The following PCDHGA3 variants were observed in gnomAD, a reference collection of about 807,000 sequenced individuals.
PCDHGA3 encodes the protein protocadherin gamma subfamily A, 3.
PCDHGA3 carries 40 observed loss-of-function variants against 58.5 expected under a neutral mutation model. The observed-to-expected ratio is 0.68, with a 90% CI of 0.53 to 0.89. The LOEUF (loss-of-function observed/expected upper bound fraction) is 0.89, where lower values mean the gene tolerates loss of function less well. PCDHGA3 is among the 40% of genes least tolerant of loss of function. The probability of loss-of-function intolerance (pLI) is 0.00; values close to 1 mark genes in which losing one functional copy is unlikely to be tolerated. For synonymous variants in PCDHGA3, 530 were observed against 525.7 expected, an observed-to-expected ratio of 1.01 and a Z score of -0.11; for missense variants, 1,223 against 1,195.9, an observed-to-expected ratio of 1.02 and a Z score of -0.33.
chr5:141,402,915 C>G (rs1232523303), intron 1 of PCDHGA3: 2 of 1,564,688 alleles, frequency 1.3e-6, no homozygotes, highest in Admixed American at 1.9e-5. Flanking sequence ...GCAGCGCGCA[C>G]AGAGATCCTT....
Position 141,489,169 on chromosome 5 carries a change from C to T in PCDHGA3, c.2425-5638C>T. On this transcript the variant is annotated intron_variant, in intron 1 of 3. Coordinates refer to ENST00000253812, the MANE Select transcript of PCDHGA3 (RefSeq NM_018916.4). This position sits in a 1 kb window ranked among gnomAD's most constrained non-coding sequence, Gnocchi z 4.5. ...GAGACATAAGAGACTTCAGCTGCTG[C>T]ATTCCAAGCCCTGGGTCTACCTTGG... 3 of 1,124,648 alleles carry T rather than the reference C, an allele frequency of 2.7e-6. No individual in the cohort carries two copies. The highest frequency in any genetic ancestry group is 3.8e-6 in the Non-Finnish European group (3 of 783,910). The allele number at this position is 1,124,648 out of a possible 1,614,324, so 69.7% of individuals were successfully genotyped here. A position where few individuals can be genotyped will look rare whatever the true frequency, so the allele number is the denominator to read the frequency against.
rs866190808 is a variant in PCDHGA3 at position 141,376,751 on chromosome 5, A to G, written c.2424+30294A>G. On this transcript the variant is annotated intron_variant, in intron 1 of 3. Transcript: ENST00000253812. ...CCGGACTGCGGACTGCAGTGGCGCA[A>G]TCTCGGCTCACTGCAAGCTCCGCTT... The G allele has an allele frequency of 1.3e-4, 58 of 460,324 alleles. 1 individual carries two copies. Among genetic ancestry groups the G allele is most frequent in the African/African-American group, 1.1e-3 (50 of 46,164 alleles). 28.5% of individuals were successfully genotyped at this position (460,324 alleles called of 1,614,324 possible).
intron 1 of PCDHGA3, chr5:141,419,325 A>G (rs1490162008): frequency 6.2e-7 from 1 of 1,613,586 alleles, no homozygotes; most frequent in Non-Finnish European, 8.5e-7. Flanking sequence ...CGTGTCTCCT[A>G]CTCTCTCATT....
chr5:141,470,972 C>T (rs1186771156), intron 1 of PCDHGA3, among the ~76,000 whole-genome samples: 3 of 151,988 alleles, frequency 2.0e-5, no homozygotes, highest in Non-Finnish European at 4.4e-5. Flanking sequence ...CCACCTCAGC[C>T]TCCCAAAGTG....
intron 1 of PCDHGA3, among the ~76,000 whole-genome samples, chr5:141,454,617 G>T (rs2098794218): frequency 6.6e-6 from 1 of 151,322 alleles, no homozygotes; most frequent in Non-Finnish European, 1.5e-5. Context: ...TGTTGGTCAG[G>T]CTGGTCTCGA....
chr5:141,423,011 T>C, intron 1 of PCDHGA3: 4 of 1,614,186 alleles, frequency 2.5e-6, no homozygotes, highest in Non-Finnish European at 3.4e-6. Flanking sequence ...GTGGTTGCGG[T>C]GGACAAAGAT....
At chr5:141,397,223 T>C (rs144227558) in intron 1 of PCDHGA3, among the ~76,000 whole-genome samples, 1 of 152,304 alleles carries the variant, frequency 6.6e-6, no homozygotes, top group East Asian at 1.9e-4. Context: ...TATTTTGAGA[T>C]ATGAAGAAGA....
chr5:141,405,414 T>G, intron 1 of PCDHGA3: 3 of 1,562,312 alleles, frequency 1.9e-6, no homozygotes, highest in Non-Finnish European at 2.6e-6. Flanking sequence ...TTTCTTTTTT[T>G]GTTTTTTGTT....
In PCDHGA3 at chr5:141,360,167, T is replaced by G. The variant is rs937249062; in HGVS notation, c.2424+13710T>G. The stretch of plus-strand genomic sequence containing the variant: ...GCGAGCTCAGGGAGGTGCGGGCTGG[T>G]GCGGTGGCTGCAGGTACTGTTGCCC... On this transcript the variant is annotated intron_variant, in intron 1 of 3. Transcript: ENST00000253812. 3 of 1,607,514 alleles carry G rather than the reference T, an allele frequency of 1.9e-6. No homozygotes were observed. The African/African-American group carries it at 4.0e-5, about 22-fold the overall frequency.
chr5:141,450,899 A>C (rs1045595271), intron 1 of PCDHGA3, among the ~76,000 whole-genome samples: 1 of 149,514 alleles, frequency 6.7e-6, no homozygotes, highest in Non-Finnish European at 1.5e-5. Context: ...ATATCGGCTC[A>C]CTGCAACCGC....
At chr5:141,422,782 C>CG in intron 1 of PCDHGA3, 1 of 1,614,090 alleles carries the variant, frequency 6.2e-7, no homozygotes, top group South Asian at 1.1e-5. Context: ...CTATGCCCTA[C>CG]AATCCTTCGA....
chr5:141,393,350 C>T (rs775303289), intron 1 of PCDHGA3: 25 of 1,613,840 alleles, frequency 1.5e-5, no homozygotes, highest in Non-Finnish European at 1.9e-5. Flanking sequence ...ACCACTTCTC[C>T]CTGGACGTGC....
At chr5:141,439,029 G>A (rs2098083069) in intron 1 of PCDHGA3, among the ~76,000 whole-genome samples, 1 of 151,510 alleles carries the variant, frequency 6.6e-6, no homozygotes, top group Non-Finnish European at 1.5e-5. Flanking sequence ...GAAAATAGAT[G>A]CCTCAGTTCA....
intron 3 of PCDHGA3, among the ~76,000 whole-genome samples, chr5:141,506,621 G>A (rs143369587): frequency 1.3e-5 from 2 of 152,178 alleles, no homozygotes; most frequent in African/African-American, 4.8e-5. Flanking sequence ...GTGTTACCAG[G>A]GCCAAATGCA....
Position 141,477,771 on chromosome 5 carries a change from G to A in PCDHGA3, c.2425-17036G>A. 1 of 1,613,992 alleles carries A rather than the reference G, an allele frequency of 6.2e-7. No homozygotes were observed. The highest frequency in any genetic ancestry group is 1.3e-5 in the African/African-American group (1 of 75,054). ...ACCCCGGTCCTAGCCACCAACATCA[G>A]CGTGAACATATTTGTCACTGATCGC... On this transcript the variant is annotated intron_variant, in intron 1 of 3. Transcript: ENST00000253812. This position sits in a 1 kb window ranked among gnomAD's most constrained non-coding sequence, Gnocchi z 4.9.
In PCDHGA3 at chr5:141,501,310, C is replaced by T. The variant is rs958976594; in HGVS notation, c.2484-4083C>T. ...CCTTATACACACACACACACACACA[C>T]ACACACACACACACACACACACACC... On this transcript the variant is annotated intron_variant, in intron 2 of 3. Transcript: ENST00000253812. Among the ~76,000 whole-genome samples, 4 of 151,684 alleles carry T rather than the reference C, an allele frequency of 2.6e-5. No individual in the cohort carries two copies. The South Asian group carries it at 8.3e-4, about 32-fold the overall frequency.
rs772328241 is a variant in PCDHGA3 at position 141,491,340 on chromosome 5, C to A, written c.2425-3467C>A. On this transcript the variant is annotated intron_variant, in intron 1 of 3. Coordinates refer to ENST00000253812, the MANE Select transcript of PCDHGA3 (RefSeq NM_018916.4). The surrounding 1 kb of genome is among the most constrained non-coding windows in gnomAD (Gnocchi z 6.9). ...TTTACCTCATTGTGGCTCTAGCGACCGTCAGTCTCTTATCCCTAGTCACCT... is the reference window on the plus strand; with the variant it reads ...TTTACCTCATTGTGGCTCTAGCGACAGTCAGTCTCTTATCCCTAGTCACCT... 4.3e-6 allele frequency: 7 copies of A among 1,614,146 alleles called. No homozygotes were observed. Among genetic ancestry groups the A allele is most frequent in the Non-Finnish European group, 5.9e-6 (7 of 1,180,014 alleles).
intron 1 of PCDHGA3, chr5:141,370,293 C>A: frequency 9.3e-7 from 1 of 1,074,278 alleles, no homozygotes; most frequent in Non-Finnish European, 1.3e-6. Flanking sequence ...AGAACCCAAG[C>A]ACAAAGACAA....
chr5:141,436,998 A>G (rs985067199), intron 1 of PCDHGA3, among the ~76,000 whole-genome samples: 23 of 152,242 alleles, frequency 1.5e-4, no homozygotes, highest in South Asian at 2.1e-4. Flanking sequence ...GTTTACTTCA[A>G]TGGGATCTTA....
Sources: allele counts gnomAD v4.1 joint callset (sites outside exome capture counted in the v4.1 genomes callset), GRCh38; gene constraint gnomAD v4.1.1; non-coding constraint Gnocchi (gnomAD v3.1); transcripts MANE v1.5; gene names NCBI Gene and HGNC (gene_info 2026-07-23, HGNC 2026-07-21).